The following BRINP1 variants were observed in gnomAD, a reference collection of about 807,000 sequenced individuals.
BRINP1 encodes the protein BMP/retinoic acid-inducible neural-specific protein 1.
A neutral mutation model predicts 72.9 loss-of-function variants in BRINP1; 17 were observed. The observed-to-expected ratio is 0.23, with a 90% confidence interval of 0.16 to 0.35. The LOEUF (loss-of-function observed/expected upper bound fraction) is 0.35, where lower values mean the gene tolerates loss of function less well. Among genes scored for constraint, BRINP1 ranks in the 10% least tolerant of loss-of-function variants. The probability of loss-of-function intolerance (pLI) is 1.00; values close to 1 mark genes in which losing one functional copy is unlikely to be tolerated. For synonymous variants in BRINP1, 418 were observed against 378.5 expected, an observed-to-expected ratio of 1.10 and a Z score of -1.21; for missense variants, 850 against 1,001.6, an observed-to-expected ratio of 0.85 and a Z score of 2.04.
chr9:119,238,241 C>T (rs1830211066), intron 5 of BRINP1, among the ~76,000 whole-genome samples: 1 of 152,052 alleles, frequency 6.6e-6, no homozygotes, highest in African/African-American at 2.4e-5. Flanking sequence ...GCAATCTCCT[C>T]TCCTTTTTAT....
At position 119,167,207 on chromosome 9, in the gene BRINP1, G is replaced by T; in HGVS notation, c.2163C>A (p.Ser721=). ...GTTTCAGGCGGTGTTTCAGCATACA[G>T]GAGAACAAGTCCAGCTGGGGTTTCC... ...APGKPQLDLF[S]CMLKHRLKLT... is the part of the protein sequence containing the mutation. Residue 721 remains serine (S), a synonymous_variant, in exon 8 of 8, where the codon TCC becomes TCA. Transcript: ENST00000265922. This position sits in a 1 kb window ranked among gnomAD's most constrained non-coding sequence, Gnocchi z 4.3. 6.2e-7 allele frequency: 1 copy of T among 1,614,154 alleles called. No individual in the cohort carries two copies. The highest frequency in any genetic ancestry group is 8.5e-7 in the Non-Finnish European group (1 of 1,180,040).
chr9:119,305,583 A>C (rs890527322), intron 2 of BRINP1, among the ~76,000 whole-genome samples: 1 of 152,110 alleles, frequency 6.6e-6, no homozygotes, highest in African/African-American at 2.4e-5. Flanking sequence ...TCCTCACTGC[A>C]TTCTCATGAA....
intron 2 of BRINP1, among the ~76,000 whole-genome samples, chr9:119,258,470 C>T (rs1830467149): frequency 2.0e-5 from 3 of 152,252 alleles, no homozygotes; most frequent in South Asian, 4.1e-4. Context: ...TTTTATTTTA[C>T]CCCAAAGGGC....
intron 2 of BRINP1, chr9:119,282,898 A>G: frequency 1.0e-6 from 1 of 985,432 alleles, no homozygotes; most frequent in African/African-American, 1.7e-5. Flanking sequence ...TACCGCAAAC[A>G]CAAAAGCTCT....
intron 2 of BRINP1, chr9:119,282,885 G>A (rs74775082): frequency 0.016 from 15,943 of 985,358 alleles, 172 homozygotes; most frequent in Non-Finnish European, 0.018. Context: ...GCTTTTCCCT[G>A]TGTACCGCAA....
At chr9:119,292,424 A>G (rs1262337623) in intron 2 of BRINP1, among the ~76,000 whole-genome samples, 1 of 152,226 alleles carries the variant, frequency 6.6e-6, no homozygotes. Context: ...CTAACACCAT[A>G]CAATTAGCAC....
At chr9:119,265,187 G>A (rs990085270) in intron 2 of BRINP1, among the ~76,000 whole-genome samples, 5 of 152,192 alleles carry the variant, frequency 3.3e-5, no homozygotes, top group East Asian at 1.9e-4. Flanking sequence ...GTATCACCCC[G>A]AACTAAAATT....
chr9:119,273,483 G>A (rs1830626715), intron 2 of BRINP1, among the ~76,000 whole-genome samples: 1 of 152,112 alleles, frequency 6.6e-6, no homozygotes, highest in South Asian at 2.1e-4. Context: ...TTCTTTGAGT[G>A]GGAGCAACGT....
At chr9:119,257,795 C>T (rs556895164) in intron 2 of BRINP1, among the ~76,000 whole-genome samples, 2 of 152,260 alleles carry the variant, frequency 1.3e-5, no homozygotes, top group South Asian at 2.1e-4. Flanking sequence ...CCTCAGCCAG[C>T]TCAGAGAAAG....
chr9:119,267,636 CAATAAATA>C (rs139819911), intron 2 of BRINP1, among the ~76,000 whole-genome samples: 4,949 of 145,110 alleles, frequency 0.034, 275 homozygotes, highest in African/African-American at 0.12. Flanking sequence ...AACTCCATCT[CAATAAATA>C]AATAAATAAA....
At chr9:119,232,384 T>G (rs890691939) in intron 5 of BRINP1, among the ~76,000 whole-genome samples, 7 of 152,192 alleles carry the variant, frequency 4.6e-5, no homozygotes, top group Non-Finnish European at 8.8e-5. Flanking sequence ...GCTGTAGTTA[T>G]CTATTTAAAA....
chr9:119,274,993 C>T (rs1201247075), intron 2 of BRINP1, among the ~76,000 whole-genome samples: 2 of 152,102 alleles, frequency 1.3e-5, no homozygotes, highest in Non-Finnish European at 2.9e-5. Flanking sequence ...GACTAAATCA[C>T]ATCTCCTTTT....
chr9:119,229,281 C>A (rs1830124733), intron 5 of BRINP1, among the ~76,000 whole-genome samples: 1 of 152,016 alleles, frequency 6.6e-6, no homozygotes, highest in Non-Finnish European at 1.5e-5. Flanking sequence ...TTGCAAGTAA[C>A]ACATTGATAG....
intron 1 of BRINP1, among the ~76,000 whole-genome samples, chr9:119,347,327 G>A (rs1831461756): frequency 6.6e-6 from 1 of 152,062 alleles, no homozygotes; most frequent in South Asian, 2.1e-4. Flanking sequence ...TCAAGCTATG[G>A]GGCCCACTGT....
At chr9:119,309,879 G>C (rs145409263) in intron 2 of BRINP1, among the ~76,000 whole-genome samples, 1 of 152,084 alleles carries the variant, frequency 6.6e-6, no homozygotes, top group Non-Finnish European at 1.5e-5. Context: ...CTATGTTAGC[G>C]AACAGTAGTA....
intron 2 of BRINP1, chr9:119,282,970 A>C: frequency 1.0e-6 from 1 of 985,348 alleles, no homozygotes; most frequent in Non-Finnish European, 1.2e-6. Context: ...ACAGCTGCCA[A>C]AGTTATCGCC....
Position 119,167,533 on chromosome 9 carries a change from C to T in BRINP1, c.1837G>A (p.Glu613Lys), listed in dbSNP as rs548039356. ...LLGNRWKTFFETVHIYLRSRT... is the reference protein window; with the variant it reads ...LLGNRWKTFFKTVHIYLRSRT... ...CTACGTAGGTAGATGTGGACCGTCT[C>T]GAAAAATGTTTTCCACCGATTGCCC... The change falls in exon 8 of 8, where the codon GAG becomes AAG. Residue 613 changes from glutamate to lysine, a missense_variant. By Grantham distance (56) the Glu-to-Lys change is moderately conservative (BLOSUM62 1). Coordinates refer to ENST00000265922, the MANE Select transcript of BRINP1 (RefSeq NM_014618.3). This position sits in a 1 kb window ranked among gnomAD's most constrained non-coding sequence, Gnocchi z 4.3. 3 of 1,614,092 alleles carry T rather than the reference C, an allele frequency of 1.9e-6. No individual in the cohort carries two copies. The highest frequency in any genetic ancestry group is 2.2e-5 in the East Asian group (1 of 44,874).
chr9:119,274,615 G>A (rs981601855), intron 2 of BRINP1, among the ~76,000 whole-genome samples: 7 of 152,134 alleles, frequency 4.6e-5, no homozygotes, highest in Admixed American at 2.0e-4. Context: ...CTGTGTACCA[G>A]GGTCCTTATT....
At chr9:119,359,695 C>T (rs922139721) in intron 1 of BRINP1, among the ~76,000 whole-genome samples, 8 of 152,194 alleles carry the variant, frequency 5.3e-5, no homozygotes, top group African/African-American at 1.9e-4. Flanking sequence ...ACACAATTGA[C>T]TCAGTATATG....
Sources: allele counts gnomAD v4.1 joint callset (sites outside exome capture counted in the v4.1 genomes callset), GRCh38; gene constraint gnomAD v4.1.1; non-coding constraint Gnocchi (gnomAD v3.1); transcripts MANE v1.5; gene names NCBI Gene and HGNC (gene_info 2026-07-23, HGNC 2026-07-21).